The following RNF217 variants were observed in gnomAD, a reference collection of about 807,000 sequenced individuals.
RNF217 encodes E3 ubiquitin-protein ligase RNF217.
In RNF217, 31 loss-of-function variants were observed where a neutral mutation model predicts 57.8. The ratio of observed to expected loss-of-function variants is 0.54; its 90% CI spans 0.40 to 0.72. The LOEUF is 0.72. Ranked by LOEUF, RNF217 falls within the 30% of genes least tolerant of loss-of-function variation. The pLI is 0.00. For missense variants in RNF217, 696 were observed against 708.3 expected (o/e 0.98, Z 0.20); for synonymous variants, 313 against 294.0 (o/e 1.06, Z -0.66).
chr6:124,972,212 C>A (rs1355789130), intron 1 of RNF217, among the ~76,000 whole-genome samples: 2 of 152,180 alleles, frequency 1.3e-5, no homozygotes, highest in Non-Finnish European at 2.9e-5. Context: ...TCTCCCTTAT[C>A]TCCCACATCT....
intron 1 of RNF217, among the ~76,000 whole-genome samples, chr6:124,998,788 A>G (rs1044710240): frequency 2.0e-5 from 3 of 152,132 alleles, no homozygotes; most frequent in African/African-American, 7.2e-5. Flanking sequence ...ACAGAGCGAG[A>G]CTCTGTCTCA....
chr6:125,025,235 G>T (rs1644259142), intron 1 of RNF217, among the ~76,000 whole-genome samples: 1 of 152,160 alleles, frequency 6.6e-6, no homozygotes, highest in Non-Finnish European at 1.5e-5. Flanking sequence ...TTTCAAGGAG[G>T]AGGTGAGACA....
intron 1 of RNF217, among the ~76,000 whole-genome samples, chr6:125,004,452 G>A (rs1211441052): frequency 1.3e-5 from 2 of 152,382 alleles, no homozygotes; most frequent in Admixed American, 6.5e-5. Flanking sequence ...GAGGGTGGAA[G>A]TTGAGGGAAG....
intron 3 of RNF217, among the ~76,000 whole-genome samples, chr6:125,075,070 A>G (rs1812965): frequency 0.65 from 99,044 of 152,132 alleles, 34,417 homozygotes; most frequent in African/African-American, 0.89. Flanking sequence ...CAACCTGTGG[A>G]CCACTTGCTG....
At chr6:125,063,568 T>C (rs1222517517) in intron 3 of RNF217, among the ~76,000 whole-genome samples, 2 of 152,144 alleles carry the variant, frequency 1.3e-5, no homozygotes, top group Non-Finnish European at 2.9e-5. Context: ...TATAAATATA[T>C]TGTCTCATCC....
At chr6:125,073,279 T>G (rs1788219931) in intron 3 of RNF217, among the ~76,000 whole-genome samples, 1 of 152,140 alleles carries the variant, frequency 6.6e-6, no homozygotes, top group Non-Finnish European at 1.5e-5. Context: ...CTGTGCTAAA[T>G]GGATGTGGCT....
At chr6:125,064,147 G>A (rs2114606038) in intron 3 of RNF217, among the ~76,000 whole-genome samples, 1 of 152,216 alleles carries the variant, frequency 6.6e-6, no homozygotes, top group Non-Finnish European at 1.5e-5. Context: ...CACATTCAGA[G>A]GCTGACTACT....
intron 1 of RNF217, among the ~76,000 whole-genome samples, chr6:124,993,057 A>G (rs1477330164): frequency 6.6e-6 from 1 of 152,228 alleles, no homozygotes; most frequent in East Asian, 1.9e-4. Flanking sequence ...TTTATAGAGC[A>G]TAATCAAATA....
intron 1 of RNF217, among the ~76,000 whole-genome samples, chr6:125,032,447 C>G (rs1157250192): frequency 6.6e-6 from 1 of 151,836 alleles, no homozygotes; most frequent in Non-Finnish European, 1.5e-5. Context: ...AGTTAGGAAA[C>G]ACTTATGCCA....
intron 1 of RNF217, among the ~76,000 whole-genome samples, chr6:124,990,432 T>TA (rs1299537257): frequency 6.6e-6 from 1 of 152,348 alleles, no homozygotes; most frequent in East Asian, 1.9e-4. Context: ...TTATAAGAGA[T>TA]ATCTCAAATT....
Position 124,963,250 on chromosome 6 carries a change from A to G in RNF217, c.706A>G (p.Met236Val). 3.3e-6 allele frequency: 5 copies of G among 1,535,996 alleles called. No individual in the cohort carries two copies. The highest frequency in any genetic ancestry group is 4.4e-6 in the Non-Finnish European group (5 of 1,146,876). ...CTACCTGGCGCCCGAGCCGTTCTCC[A>G]TGCCCAGCCTGTTGGGAGCTCCACC... Reference protein sequence around the residue: ...EFYLAPEPFSMPSLLGAPPYS... With the variant: ...EFYLAPEPFSVPSLLGAPPYS... Residue 236 changes from methionine (M) to valine (V), a missense_variant, in exon 1 of 6, where the codon ATG becomes GTG. Coordinates refer to ENST00000521654, the MANE Select transcript of RNF217 (RefSeq NM_001286398.3).
At chr6:125,019,836 G>GT (rs527872642) in intron 1 of RNF217, among the ~76,000 whole-genome samples, 2 of 150,616 alleles carry the variant, frequency 1.3e-5, no homozygotes, top group South Asian at 2.1e-4. Flanking sequence ...TTTGCAGTGG[G>GT]GGGGGAGTGA....
At chr6:125,074,593 T>C (rs1788294474) in intron 3 of RNF217, among the ~76,000 whole-genome samples, 1 of 152,210 alleles carries the variant, frequency 6.6e-6, no homozygotes, top group South Asian at 2.1e-4. Context: ...AACAAGGTTT[T>C]ATTTTAAAGT....
In RNF217 at chr6:124,965,105, A is replaced by G. The variant is rs148443137; in HGVS notation, c.882+1679A>G. 2.1e-3 allele frequency among the ~76,000 whole-genome samples: 327 copies of G among 152,258 alleles called. 3 individuals carry two copies. The highest frequency in any genetic ancestry group is 7.5e-3 in the African/African-American group (310 of 41,552). ...TAAGTTAGTTTTAGGAAGTTTTAGT[A>G]ATGGTAGTAGGGAGACAGAGGGACA... On this transcript the variant is annotated intron_variant, in intron 1 of 5. Transcript: ENST00000521654.
rs1788802421 is a variant in RNF217, at chr6:125,087,418, TGA to T, written c.*4485_*4486del. 2 of 152,162 alleles carry T rather than the reference TGA, an allele frequency of 1.3e-5. No homozygotes were observed. Among genetic ancestry groups the T allele is most frequent in the South Asian group, 4.1e-4 (2 of 4,832 alleles). The allele number at this position is 152,162 out of a possible 1,614,324, so 9.4% of individuals were successfully genotyped here. A position where few individuals can be genotyped will look rare whatever the true frequency, so the allele number is the denominator to read the frequency against. ...TGTGGCTGAAATCTCTCCCAACTAT[TGA>T]GAGTGATCTTTCCCATGGTCTGCTT... On this transcript the variant is annotated 3_prime_UTR_variant, in exon 6 of 6. Coordinates refer to ENST00000521654, the MANE Select transcript of RNF217 (RefSeq NM_001286398.3).
chr6:125,040,524 A>G (rs1020856606), intron 1 of RNF217, among the ~76,000 whole-genome samples: 5 of 151,976 alleles, frequency 3.3e-5, no homozygotes, highest in Admixed American at 3.3e-4. Context: ...AGAGGAGCTA[A>G]TATCATTCCT....
intron 1 of RNF217, among the ~76,000 whole-genome samples, chr6:124,976,679 G>T (rs1192437858): frequency 1.3e-5 from 2 of 151,600 alleles, no homozygotes; most frequent in African/African-American, 4.9e-5. Context: ...TTTTGTGTGT[G>T]CTTTTTCTAG....
chr6:125,001,487 G>C (rs779847730), intron 1 of RNF217, among the ~76,000 whole-genome samples: 11 of 152,152 alleles, frequency 7.2e-5, no homozygotes, highest in Non-Finnish European at 1.5e-4. Context: ...AAGACGTAAT[G>C]ATATGTTTTG....
At chr6:124,969,451 T>G (rs927432459) in intron 1 of RNF217, among the ~76,000 whole-genome samples, 11 of 152,284 alleles carry the variant, frequency 7.2e-5, no homozygotes, top group African/African-American at 2.4e-4. Flanking sequence ...AAAAATTCAA[T>G]GTGTATGGGA....
Sources: gnomAD v4.1 joint callset for allele counts (sites outside exome capture counted in the v4.1 genomes callset) on GRCh38, gnomAD v4.1.1 for gene constraint, MANE v1.5 for transcripts, NCBI Gene and HGNC (gene_info 2026-07-23, HGNC 2026-07-21) for gene names.